The following DPP6 variants were observed in gnomAD, a reference collection of about 807,000 sequenced individuals.
DPP6 encodes A-type potassium channel modulatory protein DPP6.
Under a neutral mutation model 122.6 loss-of-function variants are expected in DPP6, and 69 were observed. The observed-to-expected ratio is 0.56, with a 90% CI of 0.46 to 0.69. The LOEUF is 0.69. DPP6 is among the 30% of genes least tolerant of loss of function. The pLI is 0.00. For synonymous variants in DPP6, 418 were observed against 433.1 expected (o/e 0.97, Z 0.43); for missense variants, 928 against 1,116.9 (o/e 0.83, Z 2.41).
intron 1 of DPP6, among the ~76,000 whole-genome samples, chr7:154,256,654 C>G (rs556120140): frequency 5.3e-5 from 8 of 152,234 alleles, no homozygotes; most frequent in Admixed American, 4.6e-4. Context: ...AACCAAATAA[C>G]AAAGGAAGCA....
chr7:154,342,211 C>T (rs4604345), intron 1 of DPP6, among the ~76,000 whole-genome samples: 17,033 of 152,220 alleles, frequency 0.11, 1,396 homozygotes, highest in African/African-American at 0.22. Context: ...CAGGGTCTGA[C>T]AACCAGGTTA....
In DPP6 at chr7:154,505,318, A is replaced by G. The variant is rs182800826; in HGVS notation, c.457+30281A>G. ...TACAGAAAGTTTCCACATGCCCCAA[A>G]CCCATTTTCCCCTATTATTATCATC... On this transcript the variant is annotated intron_variant, in intron 3 of 25. Transcript: ENST00000377770. Among the ~76,000 whole-genome samples, 16 of 152,248 alleles carry G rather than the reference A, an allele frequency of 1.1e-4. No individual in the cohort carries two copies. In the East Asian group the frequency reaches 2.9e-3, roughly 28 times the overall value.
At chr7:154,181,093 C>T (rs560650895) in intron 1 of DPP6, among the ~76,000 whole-genome samples, 1 of 152,152 alleles carries the variant, frequency 6.6e-6, no homozygotes, top group Non-Finnish European at 1.5e-5. Flanking sequence ...AGTTGAAGAG[C>T]TTTAAGAGTA....
chr7:154,809,521 C>T (rs1798913302), intron 16 of DPP6, among the ~76,000 whole-genome samples: 1 of 152,122 alleles, frequency 6.6e-6, no homozygotes, highest in African/African-American at 2.4e-5. Context: ...CAGGAGCTGA[C>T]TCCTGGAGGT....
chr7:154,131,898 A>G lies in DPP6; in HGVS notation c.243+78835A>G, dbSNP rs185973841. Among the ~76,000 whole-genome samples the G allele has an allele frequency of 6.5e-3, 990 of 152,262 alleles. 15 individuals carry two copies. The highest frequency in any genetic ancestry group is 0.023 in the African/African-American group (946 of 41,516). On this transcript the variant is annotated intron_variant, in intron 1 of 25. Transcript: ENST00000377770. ...AATTCATAAATTGTGTACTCTCTGA[A>G]AAGTTAAATATTAGCCTGAAAATAC...
chr7:154,215,663 G>A (rs957336359), intron 1 of DPP6, among the ~76,000 whole-genome samples: 1 of 152,108 alleles, frequency 6.6e-6, no homozygotes, highest in African/African-American at 2.4e-5. Context: ...CAGCATCTGG[G>A]TGTCACCAGA....
At chr7:153,748,936 A>G in the DPP6 span, among the ~76,000 whole-genome samples, 3,928 of 151,292 alleles carry the variant, frequency 0.026, 63 homozygotes, top group African/African-American at 0.084. Context: ...GGGCCCCTCA[A>G]CTTCCTCTGG....
At chr7:154,325,608 C>A (rs1215982962) in intron 1 of DPP6, among the ~76,000 whole-genome samples, 4 of 152,108 alleles carry the variant, frequency 2.6e-5, no homozygotes, top group Admixed American at 2.6e-4. Flanking sequence ...AATAGAGCAA[C>A]CTTTCTTAAT....
the DPP6 span, among the ~76,000 whole-genome samples, chr7:153,769,824 G>A: frequency 6.6e-6 from 1 of 152,162 alleles, no homozygotes; most frequent in East Asian, 1.9e-4. Context: ...GGCTGAAATA[G>A]GGTTTGAACA....
At chr7:153,968,987 A>C (rs39163) in intron 1 of DPP6, among the ~76,000 whole-genome samples, 36,552 of 148,784 alleles carry the variant, frequency 0.25, 6,091 homozygotes, top group Non-Finnish European at 0.37. Flanking sequence ...ACCACATTTT[A>C]TTTATCTGTT....
chr7:154,730,641 G>C lies in DPP6; in HGVS notation c.883+2754G>C, dbSNP rs1317334286. Among the ~76,000 whole-genome samples, 5 of 152,202 alleles carry C rather than the reference G, an allele frequency of 3.3e-5. No individual in the cohort carries two copies. The East Asian group carries it at 9.6e-4, about 29-fold the overall frequency. ...ATAGATATCAAGGCAATGTTACCCAGGTGGTCATTCTGCCACAGGGCAGAA... is the reference window on the plus strand; with the variant it reads ...ATAGATATCAAGGCAATGTTACCCACGTGGTCATTCTGCCACAGGGCAGAA... On this transcript the variant is annotated intron_variant, in intron 8 of 25. Transcript: ENST00000377770.
At chr7:154,710,100 GCCTTCTC>G (rs1841087333) in intron 7 of DPP6, among the ~76,000 whole-genome samples, 1 of 152,212 alleles carries the variant, frequency 6.6e-6, no homozygotes, top group Non-Finnish European at 1.5e-5. Flanking sequence ...CACAGGAGCT[GCCTTCTC>G]CCCCAGCACT....
the DPP6 span, among the ~76,000 whole-genome samples, chr7:153,832,770 G>A: frequency 6.6e-6 from 1 of 151,590 alleles, no homozygotes; most frequent in Non-Finnish European, 1.5e-5. Context: ...GTAAGCACAC[G>A]GTTGTTATTC....
chr7:154,300,129 G>A (rs1485625850), intron 1 of DPP6, among the ~76,000 whole-genome samples: 1 of 152,236 alleles, frequency 6.6e-6, no homozygotes, highest in Admixed American at 6.5e-5. Context: ...GCCCGTGGGA[G>A]TGGGAGGTAA....
At chr7:153,985,870 A>G (rs543856618) in intron 1 of DPP6, among the ~76,000 whole-genome samples, 80 of 152,358 alleles carry the variant, frequency 5.3e-4, no homozygotes, top group African/African-American at 1.9e-3. Context: ...ATGAAAAAGA[A>G]AACTCTTTAT....
At chr7:154,698,474 T>G (rs1167903085) in intron 7 of DPP6, among the ~76,000 whole-genome samples, 1 of 152,194 alleles carries the variant, frequency 6.6e-6, no homozygotes, top group African/African-American at 2.4e-5. Context: ...CTCACCAGCA[T>G]CAGGTGAATA....
At position 154,892,360 on chromosome 7, in the gene DPP6, T is replaced by C. The variant is rs1369293470; in HGVS notation, c.2478T>C (p.Phe826=). 1.9e-6 allele frequency: 3 copies of C among 1,614,068 alleles called. No homozygotes were observed. Among genetic ancestry groups the C allele is most frequent in the Non-Finnish European group, 2.5e-6 (3 of 1,179,898 alleles). Residue 826 remains phenylalanine, a synonymous_variant, in exon 26 of 26, where the codon TTT becomes TTC. Transcript: ENST00000377770. Reference sequence around the variant, plus strand: ...TTTACCCGGACGAAAGCCATTACTTTACCAGCTCCAGCCTCAAACAGCATC... The same window carrying C: ...TTTACCCGGACGAAAGCCATTACTTCACCAGCTCCAGCCTCAAACAGCATC... The part of the protein sequence containing the change: ...LQIYPDESHY[F]TSSSLKQHLY...
chr7:154,239,715 G>A (rs1801449340), intron 1 of DPP6, among the ~76,000 whole-genome samples: 2 of 151,364 alleles, frequency 1.3e-5, no homozygotes, highest in South Asian at 4.2e-4. Flanking sequence ...GCTCATGCCT[G>A]TAATCCCAAC....
At chr7:154,669,269 T>C in intron 6 of DPP6, 91 bp from the exon 7 acceptor site, 1 of 1,537,558 alleles carries the variant, frequency 6.5e-7, no homozygotes, top group African/African-American at 1.4e-5. Context: ...GAGAAAGGAG[T>C]TAAGTTATAG....
Sources: allele counts gnomAD v4.1 joint callset (sites outside exome capture counted in the v4.1 genomes callset), GRCh38; gene constraint gnomAD v4.1.1; transcripts MANE v1.5; gene names NCBI Gene and HGNC (gene_info 2026-07-23, HGNC 2026-07-21).